The following GABRR1 variants were observed in gnomAD, a reference collection of about 807,000 sequenced individuals.
GABRR1 encodes the protein gamma-aminobutyric acid receptor subunit rho-1.
A neutral mutation model predicts 55.5 loss-of-function variants in GABRR1; 59 were observed. The ratio of observed to expected loss-of-function variants is 1.06; its 90% CI spans 0.86 to 1.32. The LOEUF (loss-of-function observed/expected upper bound fraction) is 1.32, where lower values mean the gene tolerates loss of function less well. GABRR1 is among the 40% of genes most tolerant of loss of function. The pLI is 0.00. For missense variants in GABRR1, 602 were observed against 619.1 expected (o/e 0.97, Z 0.29); for synonymous variants, 213 against 226.0 (o/e 0.94, Z 0.51).
At chr6:89,221,291 G>T (rs745311459), upstream of GABRR1, 3 of 152,246 alleles carry the variant, frequency 2.0e-5, no homozygotes, top group African/African-American at 7.2e-5. Flanking sequence ...ATGGGTGAAC[G>T]GCAGGCAGCA....
chr6:89,193,786 A>G (rs1279670599), intron 5 of GABRR1, among the ~76,000 whole-genome samples: 1 of 152,200 alleles, frequency 6.6e-6, no homozygotes, highest in Non-Finnish European at 1.5e-5. Flanking sequence ...ATATCACGCC[A>G]AGATTTTCAA....
intron 4 of GABRR1, among the ~76,000 whole-genome samples, chr6:89,198,980 C>T (rs1003043753): frequency 2.0e-5 from 3 of 149,206 alleles, no homozygotes; most frequent in East Asian, 2.0e-4. Context: ...AGGGGGCGGG[C>T]GGGGGGAAAG....
chr6:89,204,507 A>C, intron 1 of GABRR1: 1 of 479,548 alleles, frequency 2.1e-6, no homozygotes, highest in Non-Finnish European at 3.3e-6. Context: ...GAAGGAAGGA[A>C]TCAGCCCCCT....
At chr6:89,220,631 G>A (rs899286630), upstream of GABRR1, among the ~76,000 whole-genome samples, 5 of 152,196 alleles carry the variant, frequency 3.3e-5, no homozygotes, top group African/African-American at 1.2e-4. Flanking sequence ...GTTGTAAAGA[G>A]GCCTGAGAGA....
rs1772458615 is a variant in GABRR1, at chr6:89,201,154, C to T, written c.280+5G>A. On this transcript the variant is annotated splice_donor_5th_base_variant and intron_variant, in intron 3 of 9. Transcript: ENST00000454853. ...GAGGACACCCTGAGAGCACACATCC[C>T]ATACCTCCAAAGCCAGGCCTCATGC... The T allele has an allele frequency of 3.7e-6, 6 of 1,608,422 alleles. No individual in the cohort carries two copies. Among genetic ancestry groups the T allele is most frequent in the African/African-American group, 1.3e-5 (1 of 74,938 alleles).
At chr6:89,208,596 A>G (rs937924648) in intron 1 of GABRR1, among the ~76,000 whole-genome samples, 2 of 152,236 alleles carry the variant, frequency 1.3e-5, no homozygotes, top group Non-Finnish European at 2.9e-5. Flanking sequence ...CCTTCAGAGA[A>G]AAGACTAAGG....
In GABRR1 at chr6:89,190,259, A is replaced by C. The variant is rs116309371; in HGVS notation, c.573-12T>G. Reference sequence around the variant, plus strand: ...CAGTTACTGTAACCCTAGGGCCAAAAAGACAAAATTGATTTATTCAGAGCC... The same window carrying C: ...CAGTTACTGTAACCCTAGGGCCAAACAGACAAAATTGATTTATTCAGAGCC... On this transcript the variant is annotated splice_polypyrimidine_tract_variant and intron_variant, in intron 5 of 9. Coordinates refer to ENST00000454853, the MANE Select transcript of GABRR1 (RefSeq NM_002042.5). The C allele has an allele frequency of 6.3e-7, 1 of 1,592,458 alleles. No homozygotes were observed. Among genetic ancestry groups the C allele is most frequent in the Non-Finnish European group, 8.6e-7 (1 of 1,169,346 alleles).
rs563235743 is a variant in GABRR1 at position 89,212,127 on chromosome 6, C to T, written c.122+5074G>A. On this transcript the variant is annotated intron_variant, in intron 1 of 9. Coordinates refer to ENST00000454853, the MANE Select transcript of GABRR1 (RefSeq NM_002042.5). The stretch of plus-strand genomic sequence containing the variant: ...CTTCACCCCCAAACCTAATCCTCCA[C>T]CTGCTCTCCTTCCTGGCATCACCAT... 4.5e-6 allele frequency: 3 copies of T among 662,606 alleles called. 1 individual carries two copies. The highest frequency in any genetic ancestry group is 7.9e-5 in the South Asian group (1 of 12,682). The allele number at this position is 662,606 out of a possible 1,614,324, so 41.0% of individuals were successfully genotyped here.
rs1381956216 is a variant in GABRR1 at position 89,199,241 on chromosome 6, G to A, written c.348+121C>T. 26 of 833,190 alleles carry A rather than the reference G, an allele frequency of 3.1e-5. No homozygotes were observed. In the Admixed American group the frequency reaches 5.2e-4, roughly 17 times the overall value. The allele number at this position is 833,190 out of a possible 1,614,324, so 51.6% of individuals were successfully genotyped here. ...TTCCTGAGCCATCTGAAAAAGTAGT[G>A]TGGGGATTCCCACCGCCCAGGGCAG... On this transcript the variant is annotated intron_variant, in intron 4 of 9. Coordinates refer to ENST00000454853, the MANE Select transcript of GABRR1 (RefSeq NM_002042.5).
At chr6:89,186,376 T>C (rs1771899697) in intron 6 of GABRR1, among the ~76,000 whole-genome samples, 1 of 152,230 alleles carries the variant, frequency 6.6e-6, no homozygotes, top group African/African-American at 2.4e-5. Flanking sequence ...ATTCCATCAG[T>C]TGAAAGGCCT....
intron 1 of GABRR1, among the ~76,000 whole-genome samples, chr6:89,209,263 A>T (rs1353260274): frequency 6.6e-6 from 1 of 151,536 alleles, no homozygotes; most frequent in African/African-American, 2.4e-5. Flanking sequence ...GGGTTACTTT[A>T]TTTTTTTTAA....
chr6:89,195,670 C>T (rs1362094113), intron 5 of GABRR1, among the ~76,000 whole-genome samples: 1 of 152,200 alleles, frequency 6.6e-6, no homozygotes, highest in South Asian at 2.1e-4. Context: ...TATCACCAGA[C>T]TTATCTTGTA....
upstream of GABRR1, chr6:89,221,565 G>T (rs996700803): frequency 6.6e-6 from 1 of 152,200 alleles, no homozygotes; most frequent in Non-Finnish European, 1.5e-5. Context: ...AAAGTATACA[G>T]GAGAATGTGT....
chr6:89,185,338 G>T lies in GABRR1; in HGVS notation c.768C>A (p.Thr256=), dbSNP rs751178900. 6.2e-6 allele frequency: 10 copies of T among 1,613,984 alleles called. No homozygotes were observed. In the South Asian group the frequency reaches 1.1e-4, roughly 18 times the overall value. ...SQFLIQEFHT[T]TKLAFYSSTG... is the part of the protein sequence containing the mutation. ...TGCTGCTGTAGAAAGCCAGTTTGGT[G>T]GTGGTGTGGAATTCCTGAATGAGGA... Residue 256 remains threonine (T), a synonymous_variant, in exon 7 of 10, where the codon ACC becomes ACA. Transcript: ENST00000454853.
rs997806919 is a variant in GABRR1, at chr6:89,201,193, A to G, written c.246T>C (p.Asp82=). ...LTKSEQLLRI[D]DHDFSMRPGF... ...CAGGCCTCATGCTGAAATCATGGTC[A>G]TCTATCCTCAGAAGCTGTTCTGACT... is the stretch of plus-strand genomic sequence containing the variant. The change falls in exon 3 of 10, where the codon GAT becomes GAC. Residue 82 remains aspartate (D), a synonymous_variant. Transcript: ENST00000454853. 6.2e-6 allele frequency: 10 copies of G among 1,614,046 alleles called. No homozygotes were observed. In the African/African-American group the frequency reaches 1.2e-4, roughly 19 times the overall value.
chr6:89,203,635 T>C (rs1772551452), intron 1 of GABRR1, 150 bp from the exon 2 acceptor site: 1 of 658,804 alleles, frequency 1.5e-6, no homozygotes, highest in South Asian at 1.9e-5. Context: ...AATGCATTCA[T>C]TTAGCCTCTT....
At chr6:89,182,418 C>T (rs1454818592) in intron 7 of GABRR1, among the ~76,000 whole-genome samples, 1 of 152,182 alleles carries the variant, frequency 6.6e-6, no homozygotes, top group East Asian at 1.9e-4. Flanking sequence ...CCTCCCACCT[C>T]AGCCTCCCAA....
chr6:89,198,513 CACTTGAGGGGCTGCT>C (rs989621367), intron 4 of GABRR1, among the ~76,000 whole-genome samples: 3 of 152,042 alleles, frequency 2.0e-5, no homozygotes, highest in Non-Finnish European at 4.4e-5. Flanking sequence ...ATTCACTCTA[CACTTGAGGGGCTGCT>C]ACTGCCACCA....
chr6:89,189,652 AAAGTAT>A (rs972382421), intron 6 of GABRR1, among the ~76,000 whole-genome samples: 6 of 151,196 alleles, frequency 4.0e-5, no homozygotes, highest in African/African-American at 1.2e-4. Flanking sequence ...CCTAAAACTT[AAAGTAT>A]AATTAAAAAA....
Sources: allele counts gnomAD v4.1 joint callset (sites outside exome capture counted in the v4.1 genomes callset), GRCh38; gene constraint gnomAD v4.1.1; transcripts MANE v1.5; gene names NCBI Gene and HGNC (gene_info 2026-07-23, HGNC 2026-07-21).